PDE4B: variants seen among roughly 807,000 people sequenced by gnomAD.
The protein encoded by PDE4B is 3',5'-cyclic-AMP phosphodiesterase 4B.
PDE4B carries 20 observed loss-of-function variants against 82.2 expected under a neutral mutation model. The ratio of observed to expected loss-of-function variants is 0.24; its 90% CI spans 0.17 to 0.35. PDE4B has a LOEUF of 0.35. Among genes scored for constraint, PDE4B ranks in the 10% least tolerant of loss-of-function variants. The probability of loss-of-function intolerance (pLI) is 1.00; values close to 1 mark genes in which losing one functional copy is unlikely to be tolerated. For missense variants in PDE4B, 655 were observed against 907.2 expected (o/e 0.72, Z 3.57); for synonymous variants, 320 against 318.9 (o/e 1.00, Z -0.04).
intron 3 of PDE4B, among the ~76,000 whole-genome samples, chr1:65,969,418 G>T (rs1462000862): frequency 6.6e-6 from 1 of 152,174 alleles, no homozygotes; most frequent in Non-Finnish European, 1.5e-5. Context: ...CTAGGAAGAA[G>T]ACAGCTGGGA....
chr1:65,974,869 TC>T (rs1306180189), intron 3 of PDE4B, among the ~76,000 whole-genome samples: 6 of 152,222 alleles, frequency 3.9e-5, no homozygotes, highest in Admixed American at 1.3e-4. Context: ...CAATTATACC[TC>T]TTTTTTTCAT....
At chr1:66,252,173 T>C (rs1653837509) in intron 4 of PDE4B, among the ~76,000 whole-genome samples, 1 of 152,196 alleles carries the variant, frequency 6.6e-6, no homozygotes, top group Admixed American at 6.5e-5. Flanking sequence ...GTCGAGAAGA[T>C]AGGTGGTTGC....
chr1:66,219,548 C>A (rs1487092055), intron 3 of PDE4B, among the ~76,000 whole-genome samples: 1 of 152,156 alleles, frequency 6.6e-6, no homozygotes, highest in Non-Finnish European at 1.5e-5. Flanking sequence ...ACAACATTAT[C>A]CCTTCCTGTT....
chr1:65,980,097 G>T (rs1650608910), intron 3 of PDE4B, among the ~76,000 whole-genome samples: 1 of 151,990 alleles, frequency 6.6e-6, no homozygotes, highest in Non-Finnish European at 1.5e-5. Flanking sequence ...CATGAGACGG[G>T]TGCCACAAAT....
chr1:66,156,734 T>C (rs1246026211), intron 3 of PDE4B, among the ~76,000 whole-genome samples: 1 of 152,194 alleles, frequency 6.6e-6, no homozygotes, highest in Non-Finnish European at 1.5e-5. Context: ...ACAACTTCAC[T>C]GAAATTGCTT....
At chr1:65,887,618 A>G (rs532757012) in intron 1 of PDE4B, among the ~76,000 whole-genome samples, 9 of 150,914 alleles carry the variant, frequency 6.0e-5, no homozygotes, top group African/African-American at 1.9e-4. Flanking sequence ...GGGTTTTGCC[A>G]TGTTGCCCAG....
intron 3 of PDE4B, among the ~76,000 whole-genome samples, chr1:66,011,917 GA>G (rs1652508498): frequency 6.6e-6 from 1 of 151,982 alleles, no homozygotes; most frequent in Non-Finnish European, 1.5e-5. Flanking sequence ...GATACATAAA[GA>G]ATTTATATGC....
intron 3 of PDE4B, among the ~76,000 whole-genome samples, chr1:66,166,517 C>T (rs542349342): frequency 8.5e-5 from 13 of 152,228 alleles, no homozygotes; most frequent in Non-Finnish European, 1.5e-4. Flanking sequence ...GGGCAGATCA[C>T]GAGGTCAGGA....
At chr1:65,836,928 G>A (rs1171827587) in intron 1 of PDE4B, among the ~76,000 whole-genome samples, 1 of 152,124 alleles carries the variant, frequency 6.6e-6, no homozygotes, top group Non-Finnish European at 1.5e-5. Context: ...GGCTTAAGCA[G>A]TAAAACACGC....
intron 1 of PDE4B, among the ~76,000 whole-genome samples, chr1:65,871,141 G>A (rs751597199): frequency 6.6e-6 from 1 of 152,112 alleles, no homozygotes; most frequent in Non-Finnish European, 1.5e-5. Flanking sequence ...ATAGATACTT[G>A]GCTATTAGGG....
chr1:65,816,563 CTA>C (rs1455828824), intron 1 of PDE4B, among the ~76,000 whole-genome samples: 19 of 152,124 alleles, frequency 1.2e-4, no homozygotes, highest in African/African-American at 3.9e-4. Context: ...ATGATAAAAT[CTA>C]TGGAAGCAAT....
chr1:65,809,010 G>C (rs185685921), intron 1 of PDE4B, among the ~76,000 whole-genome samples: 128 of 152,168 alleles, frequency 8.4e-4, no homozygotes, highest in African/African-American at 2.9e-3. Context: ...ATGTTATGTG[G>C]TGTGTGGGTA....
At chr1:65,943,576 G>A (rs932198806) in intron 3 of PDE4B, among the ~76,000 whole-genome samples, 2 of 151,998 alleles carry the variant, frequency 1.3e-5, no homozygotes, top group Non-Finnish European at 2.9e-5. Context: ...CACTGAATTT[G>A]TAGATCACTT....
At position 66,372,504 on chromosome 1, in the gene PDE4B, G is replaced by A; in HGVS notation, c.2037G>A (p.Gln679=). ...GCCAGGGTCTGATGGAGAAGTTTCA[G>A]TTTGAACTGACTCTCGATGAGGAAG... is the stretch of plus-strand genomic sequence containing the variant. The part of the protein sequence containing the change: ...RDCQGLMEKF[Q]FELTLDEEDS... The change falls in exon 17 of 17, where the codon CAG becomes CAA. Residue 679 remains glutamine, a synonymous_variant. Transcript: ENST00000341517. The A allele has an allele frequency of 8.7e-6, 14 of 1,614,162 alleles. No individual in the cohort carries two copies. Among genetic ancestry groups the A allele is most frequent in the Non-Finnish European group, 1.2e-5 (14 of 1,180,020 alleles).
intron 3 of PDE4B, among the ~76,000 whole-genome samples, chr1:65,944,687 G>A (rs947631054): frequency 1.2e-4 from 18 of 151,860 alleles, no homozygotes; most frequent in African/African-American, 4.1e-4. Flanking sequence ...ACAAGAACAA[G>A]ATCAGAGACA....
At chr1:66,197,176 G>A (rs1648392453) in intron 3 of PDE4B, among the ~76,000 whole-genome samples, 1 of 152,012 alleles carries the variant, frequency 6.6e-6, no homozygotes, top group Non-Finnish European at 1.5e-5. Flanking sequence ...TTATGGAGCT[G>A]GAAGGTGTAG....
At chr1:65,832,870 A>G (rs1008692759) in intron 1 of PDE4B, among the ~76,000 whole-genome samples, 1 of 152,236 alleles carries the variant, frequency 6.6e-6, no homozygotes, top group Admixed American at 6.5e-5. Flanking sequence ...GGGTATAAAT[A>G]GTATAGCAAA....
chr1:65,806,606 C>T (rs1315915524), intron 1 of PDE4B, among the ~76,000 whole-genome samples: 3 of 152,188 alleles, frequency 2.0e-5, no homozygotes, highest in Non-Finnish European at 4.4e-5. Context: ...TGCAGTTCCA[C>T]TTTATGTACC....
intron 3 of PDE4B, among the ~76,000 whole-genome samples, chr1:66,093,731 T>G (rs900398754): frequency 1.3e-5 from 2 of 152,070 alleles, no homozygotes; most frequent in Non-Finnish European, 2.9e-5. Flanking sequence ...GAAACTTTAT[T>G]AAGTTATCTT....
Sources: gnomAD v4.1 joint callset for allele counts (sites outside exome capture counted in the v4.1 genomes callset) on GRCh38, gnomAD v4.1.1 for gene constraint, MANE v1.5 for transcripts, NCBI Gene and HGNC (gene_info 2026-07-23, HGNC 2026-07-21) for gene names.